ARHGAP42: variants seen among roughly 807,000 people sequenced by gnomAD.
ARHGAP42 encodes Rho GTPase activating protein 42, also known as rho GTPase-activating protein 42.
In ARHGAP42, 63 loss-of-function variants were observed where a neutral mutation model predicts 125.0. The ratio of observed to expected loss-of-function variants is 0.50; its 90% CI spans 0.41 to 0.62. The LOEUF (loss-of-function observed/expected upper bound fraction) is 0.62. ARHGAP42 is among the 20% of genes least tolerant of loss of function. ARHGAP42 has a pLI of 0.00. For missense variants in ARHGAP42, 766 were observed against 1,024.2 expected, an observed-to-expected ratio of 0.75 and a Z score of 3.44; for synonymous variants, 339 against 351.0, an observed-to-expected ratio of 0.97 and a Z score of 0.38.
chr11:100,795,795 A>G (rs541174651), intron 3 of ARHGAP42, among the ~76,000 whole-genome samples: 2 of 152,368 alleles, frequency 1.3e-5, no homozygotes, highest in Admixed American at 1.3e-4. Flanking sequence ...TATGGGAAAA[A>G]TAGTAGTATA....
intron 3 of ARHGAP42, among the ~76,000 whole-genome samples, chr11:100,824,505 C>T (rs1864470165): frequency 6.6e-6 from 1 of 152,124 alleles, no homozygotes; most frequent in African/African-American, 2.4e-5. Context: ...AGCTTCTACA[C>T]TGGAGTCCCG....
chr11:100,936,318 A>G lies in ARHGAP42; in HGVS notation c.818A>G (p.Tyr273Cys). 2.6e-6 allele frequency: 4 copies of G among 1,551,552 alleles called. No homozygotes were observed. Among genetic ancestry groups the G allele is most frequent in the Non-Finnish European group, 2.6e-6 (3 of 1,146,878 alleles). Reference protein sequence around the residue: ...PSQWTMEGYLYVQEKRPLGFT... With the variant: ...PSQWTMEGYLCVQEKRPLGFT... Reference sequence around the variant, plus strand: ...CAGTGGACGATGGAAGGCTATCTGTATGTCCAGGAGAAACGTGAGTCACAA... The same window carrying G: ...CAGTGGACGATGGAAGGCTATCTGTGTGTCCAGGAGAAACGTGAGTCACAA... The change falls in exon 8 of 24, where the codon TAT becomes TGT. Residue 273 changes from tyrosine (Y) to cysteine (C), a missense_variant. By Grantham distance (194) the Tyr-to-Cys change is radical (BLOSUM62 -2). Around this residue, in one of 3 missense-constraint regions of ARHGAP42, gnomAD observed 455 missense variants for 636.5 expected, o/e 0.71. Coordinates refer to ENST00000298815, the MANE Select transcript of ARHGAP42 (RefSeq NM_152432.4).
chr11:100,847,128 C>T (rs909119868), intron 3 of ARHGAP42, among the ~76,000 whole-genome samples: 3 of 152,158 alleles, frequency 2.0e-5, no homozygotes. Flanking sequence ...TAACACCCTC[C>T]CACTAACAAC....
intron 1 of ARHGAP42, among the ~76,000 whole-genome samples, chr11:100,758,702 G>T (rs548181191): frequency 6.6e-6 from 1 of 152,108 alleles, no homozygotes; most frequent in Non-Finnish European, 1.5e-5. Flanking sequence ...CTCTTACTAT[G>T]TGCTGTGATG....
At chr11:100,820,453 A>T (rs1457131758) in intron 3 of ARHGAP42, among the ~76,000 whole-genome samples, 2 of 152,166 alleles carry the variant, frequency 1.3e-5, no homozygotes, top group Non-Finnish European at 2.9e-5. Context: ...GAGAAAAAGA[A>T]GGCATCTCTT....
intron 1 of ARHGAP42, among the ~76,000 whole-genome samples, chr11:100,761,732 T>G (rs1186682073): frequency 1.3e-5 from 2 of 152,238 alleles, no homozygotes; most frequent in East Asian, 3.8e-4. Context: ...AATACCCAGA[T>G]TAAATATGTT....
chr11:100,797,594 A>G (rs1046134404), intron 3 of ARHGAP42, among the ~76,000 whole-genome samples: 2 of 151,832 alleles, frequency 1.3e-5, no homozygotes, highest in African/African-American at 4.8e-5. Flanking sequence ...GTTGAGACCT[A>G]ATGTTCAGGA....
chr11:100,726,532 A>G (rs1861864655), intron 1 of ARHGAP42, among the ~76,000 whole-genome samples: 3 of 152,246 alleles, frequency 2.0e-5, no homozygotes, highest in Admixed American at 6.5e-5. Flanking sequence ...AATAAATGCA[A>G]TGACAGTTAC....
intron 1 of ARHGAP42, among the ~76,000 whole-genome samples, chr11:100,704,096 G>A (rs7951626): frequency 0.084 from 12,777 of 152,172 alleles, 706 homozygotes; most frequent in African/African-American, 0.15. Flanking sequence ...AGAATTGAAG[G>A]GGAAGATTCA....
rs1413625644 is a variant in ARHGAP42 at position 100,874,041 on chromosome 11, TG to T, written c.384+14418del. Among the ~76,000 whole-genome samples, 6 of 152,198 alleles carry T rather than the reference TG, an allele frequency of 3.9e-5. 1 individual carries two copies. In the South Asian group the frequency reaches 1.2e-3, roughly 31 times the overall value. Reference sequence around the variant, plus strand: ...GTCTTGTGTTGCAGAATACCTGAGTTGGAGTAATTTACAAAGAAAAGAGGTT... The same window carrying T: ...GTCTTGTGTTGCAGAATACCTGAGTTGAGTAATTTACAAAGAAAAGAGGTT... On this transcript the variant is annotated intron_variant, in intron 4 of 23. Transcript: ENST00000298815.
At chr11:100,984,492 T>C (rs1381289144) in intron 22 of ARHGAP42, among the ~76,000 whole-genome samples, 1 of 152,032 alleles carries the variant, frequency 6.6e-6, no homozygotes, top group African/African-American at 2.4e-5. Flanking sequence ...AAAATGTGTG[T>C]ATTTCTCATT....
At chr11:100,948,608 T>C (rs1007950327) in intron 11 of ARHGAP42, 73 bp downstream of exon 11, 2 of 1,218,198 alleles carry the variant, frequency 1.6e-6, no homozygotes, top group Non-Finnish European at 2.3e-6. Flanking sequence ...ATTCTTTTCA[T>C]AGTATACAAT....
intron 2 of ARHGAP42, among the ~76,000 whole-genome samples, chr11:100,785,705 G>A (rs1216744987): frequency 5.3e-5 from 8 of 152,164 alleles, no homozygotes; most frequent in Non-Finnish European, 2.9e-5. Flanking sequence ...GGTGTAAGTG[G>A]TTGCTTGTCA....
chr11:100,797,770 T>G (rs1863755273), intron 3 of ARHGAP42, among the ~76,000 whole-genome samples: 1 of 152,238 alleles, frequency 6.6e-6, no homozygotes, highest in Admixed American at 6.5e-5. Flanking sequence ...CTTTCAAGTC[T>G]TATGATTTAA....
At chr11:100,932,082 T>C (rs1867595514) in intron 6 of ARHGAP42, among the ~76,000 whole-genome samples, 1 of 152,186 alleles carries the variant, frequency 6.6e-6, no homozygotes, top group Non-Finnish European at 1.5e-5. Context: ...TTGTATTAAC[T>C]TGACTTGTTT....
intron 1 of ARHGAP42, among the ~76,000 whole-genome samples, chr11:100,748,378 C>CTGTCCTGAAGG (rs1862356200): frequency 1.3e-5 from 2 of 152,124 alleles, no homozygotes; most frequent in African/African-American, 4.8e-5. Flanking sequence ...CTCAATCACC[C>CTGTCCTGAAGG]GACTGTCCTG....
At chr11:100,799,799 AC>A (rs2135040622) in intron 3 of ARHGAP42, among the ~76,000 whole-genome samples, 1 of 152,344 alleles carries the variant, frequency 6.6e-6, no homozygotes, top group Admixed American at 6.5e-5. Context: ...TTCTCATAGC[AC>A]TGAAGAGACT....
At chr11:100,918,736 C>T (rs181956227) in intron 5 of ARHGAP42, among the ~76,000 whole-genome samples, 193 of 152,244 alleles carry the variant, frequency 1.3e-3, no homozygotes, top group African/African-American at 4.5e-3. Context: ...CTCTGGATGA[C>T]GTTTCACAGC....
chr11:100,875,890 A>T (rs1014382952), intron 4 of ARHGAP42, among the ~76,000 whole-genome samples: 3 of 152,190 alleles, frequency 2.0e-5, no homozygotes, highest in Admixed American at 1.3e-4. Context: ...ATAAAGTTTT[A>T]TTGGAATATA....
Sources: allele counts gnomAD v4.1 joint callset (sites outside exome capture counted in the v4.1 genomes callset), GRCh38; gene constraint gnomAD v4.1.1; regional missense constraint gnomAD v4.1.1; transcripts MANE v1.5; gene names NCBI Gene and HGNC (gene_info 2026-07-23, HGNC 2026-07-21).